The following TENT4B variants were observed in gnomAD, a reference collection of about 807,000 sequenced individuals.
TENT4B encodes terminal nucleotidyltransferase 4B.
TENT4B carries 10 observed loss-of-function variants against 75.0 expected under a neutral mutation model. The ratio of observed to expected loss-of-function variants is 0.13; its 90% CI spans 0.08 to 0.23. The LOEUF is 0.23. Ranked by LOEUF, TENT4B falls within the 10% of genes least tolerant of loss-of-function variation. TENT4B has a pLI of 1.00. For missense variants in TENT4B, 579 were observed against 893.8 expected, an observed-to-expected ratio of 0.65 and a Z score of 4.49; for synonymous variants, 350 against 357.7, an observed-to-expected ratio of 0.98 and a Z score of 0.24.
At chr16:50,157,414 T>C (rs566559670) in intron 1 of TENT4B, among the ~76,000 whole-genome samples, 3 of 152,328 alleles carry the variant, frequency 2.0e-5, no homozygotes, top group South Asian at 4.1e-4. Context: ...TTATTATGTG[T>C]TCCCTCTTAC....
chr16:50,157,089 T>G (rs2037915902), intron 1 of TENT4B, among the ~76,000 whole-genome samples: 1 of 152,230 alleles, frequency 6.6e-6, no homozygotes, highest in Non-Finnish European at 1.5e-5. Context: ...TACCATTGTT[T>G]TCTGAATTCT....
chr16:50,184,044 C>T (rs2038476264), intron 1 of TENT4B, among the ~76,000 whole-genome samples: 1 of 152,162 alleles, frequency 6.6e-6, no homozygotes. Context: ...ATTAGTCGTT[C>T]CTCCTCATTT....
At chr16:50,213,653 G>T (rs1209545385) in intron 2 of TENT4B, among the ~76,000 whole-genome samples, 2 of 152,132 alleles carry the variant, frequency 1.3e-5, no homozygotes, top group African/African-American at 4.8e-5. Flanking sequence ...GTTTCCTGTG[G>T]TTGGCTTTCT....
At chr16:50,216,670 G>A (rs2031570776) in intron 4 of TENT4B, among the ~76,000 whole-genome samples, 1 of 85,060 alleles carries the variant, frequency 1.2e-5, no homozygotes, top group Non-Finnish European at 3.2e-5. Flanking sequence ...ACTCACTGTA[G>A]AGATTTTTGT....
At position 50,154,041 on chromosome 16, in the gene TENT4B, C is replaced by T. The variant is rs747296474; in HGVS notation, c.420C>T (p.His140=). 2.6e-6 allele frequency: 4 copies of T among 1,532,096 alleles called. No homozygotes were observed. The highest frequency in any genetic ancestry group is 3.5e-6 in the Non-Finnish European group (4 of 1,145,280). 94.9% of individuals were successfully genotyped at this position (1,532,096 alleles called of 1,614,324 possible). ...SSPPSASSSP[H]PSAAVPAADP... ...CTCCCTCGGCGTCCTCGTCCCCGCA[C>T]CCTTCGGCCGCCGTCCCCGCCGCCG... Residue 140 remains histidine, a synonymous_variant, in exon 1 of 12, where the codon CAC becomes CAT. Transcript: ENST00000561678.
Position 50,234,132 on chromosome 16 carries a change from A to G in TENT4B, c.*4804A>G. The G allele has an allele frequency of 4.1e-6, 4 of 985,484 alleles. No homozygotes were observed. Among genetic ancestry groups the G allele is most frequent in the Non-Finnish European group, 3.6e-6 (3 of 829,958 alleles). 61.0% of individuals were successfully genotyped at this position (985,484 alleles called of 1,614,324 possible). On this transcript the variant is annotated 3_prime_UTR_variant, in exon 12 of 12. Transcript: ENST00000561678. ...AAAGATGCCTAGAAACAAAACGCAT[A>G]TAGTACCAGTGAGAAACTATGAAGT...
chr16:50,188,211 G>T (rs1278113724), intron 1 of TENT4B, among the ~76,000 whole-genome samples: 1 of 152,124 alleles, frequency 6.6e-6, no homozygotes, highest in Non-Finnish European at 1.5e-5. Flanking sequence ...TTGTTGCTGT[G>T]GCAGATTTGG....
chr16:50,204,430 A>G (rs1053073422), intron 1 of TENT4B, among the ~76,000 whole-genome samples: 1 of 152,230 alleles, frequency 6.6e-6, no homozygotes, highest in Non-Finnish European at 1.5e-5. Flanking sequence ...GGAAGAAAAC[A>G]CAGGAGTAGG....
chr16:50,171,365 C>T (rs2038203043), intron 1 of TENT4B, among the ~76,000 whole-genome samples: 1 of 152,114 alleles, frequency 6.6e-6, no homozygotes, highest in Non-Finnish European at 1.5e-5. Flanking sequence ...CATGCCACTG[C>T]ACAACAGCCT....
At chr16:50,203,521 A>G (rs2030775284) in intron 1 of TENT4B, among the ~76,000 whole-genome samples, 1 of 152,210 alleles carries the variant, frequency 6.6e-6, no homozygotes, top group Admixed American at 6.5e-5. Context: ...TTCATTGTGA[A>G]TATTTTCTTA....
chr16:50,167,386 T>G (rs541526781), intron 1 of TENT4B, among the ~76,000 whole-genome samples: 3 of 122,184 alleles, frequency 2.5e-5, no homozygotes, highest in South Asian at 4.5e-4. Context: ...ATGCTGTGGG[T>G]TTTTTTTTTT....
Position 50,234,845 on chromosome 16 carries a change from T to C in TENT4B, c.*5517T>C, listed in dbSNP as rs2032399482. 1.0e-6 allele frequency: 1 copy of C among 985,606 alleles called. No homozygotes were observed. The highest frequency in any genetic ancestry group is 6.1e-5 in the Admixed American group (1 of 16,264). 61.1% of individuals were successfully genotyped at this position (985,606 alleles called of 1,614,324 possible). A position where few individuals can be genotyped will look rare whatever the true frequency, so the allele number is the denominator to read the frequency against. Reference sequence around the variant, plus strand: ...TTAAACATTTTTAGTGGAATATACATAGATAACGTGTATTTAGAAACTTTG... The same window carrying C: ...TTAAACATTTTTAGTGGAATATACACAGATAACGTGTATTTAGAAACTTTG... On this transcript the variant is annotated 3_prime_UTR_variant, in exon 12 of 12. Transcript: ENST00000561678.
chr16:50,204,127 A>G (rs1011730004), intron 1 of TENT4B, among the ~76,000 whole-genome samples: 1 of 152,186 alleles, frequency 6.6e-6, no homozygotes, highest in African/African-American at 2.4e-5. Context: ...GGAGGTTGGA[A>G]GTGACACAGA....
chr16:50,164,526 C>T (rs569361023), intron 1 of TENT4B, among the ~76,000 whole-genome samples: 13 of 151,112 alleles, frequency 8.6e-5, no homozygotes, highest in Admixed American at 7.9e-4. Flanking sequence ...CCAGGCTAGT[C>T]TTGAGCTCCT....
intron 1 of TENT4B, among the ~76,000 whole-genome samples, chr16:50,199,258 T>TA (rs1446820480): frequency 6.6e-6 from 1 of 152,222 alleles, no homozygotes; most frequent in Non-Finnish European, 1.5e-5. Context: ...GATGCTACAC[T>TA]AACTGGGGGC....
intron 10 of TENT4B, 71 bp downstream of exon 10, chr16:50,225,356 T>C (rs1294385631): frequency 2.2e-6 from 3 of 1,386,664 alleles, no homozygotes; most frequent in Non-Finnish European, 2.9e-6. Context: ...TAACACTGTC[T>C]CGAAGGCTAA....
chr16:50,201,908 T>C (rs1041349598), intron 1 of TENT4B, among the ~76,000 whole-genome samples: 1 of 149,648 alleles, frequency 6.7e-6, no homozygotes, highest in African/African-American at 2.5e-5. Flanking sequence ...GCTGAGGTGC[T>C]CAGATTGCTT....
At chr16:50,205,400 AT>A (rs1422543735) in intron 1 of TENT4B, among the ~76,000 whole-genome samples, 1 of 152,060 alleles carries the variant, frequency 6.6e-6, no homozygotes, top group Non-Finnish European at 1.5e-5. Context: ...AGATACAAAA[AT>A]AAGTTAAAGT....
At chr16:50,182,235 G>A (rs2038429495) in intron 1 of TENT4B, among the ~76,000 whole-genome samples, 1 of 152,046 alleles carries the variant, frequency 6.6e-6, no homozygotes, top group African/African-American at 2.4e-5. Flanking sequence ...CTACAGCCCG[G>A]GCAACAGAGT....
Sources: allele counts gnomAD v4.1 joint callset (sites outside exome capture counted in the v4.1 genomes callset), GRCh38; gene constraint gnomAD v4.1.1; transcripts MANE v1.5; gene names NCBI Gene and HGNC (gene_info 2026-07-23, HGNC 2026-07-21).